PLD2: variants seen among roughly 807,000 people sequenced by gnomAD.
PLD2 encodes choline phosphatase 2.
PLD2 carries 101 observed loss-of-function variants against 119.8 expected under a neutral mutation model. That is an observed-to-expected ratio of 0.84 (90% CI 0.72 to 0.99). The LOEUF is 0.99. Ranked by LOEUF, PLD2 falls within the 50% of genes least tolerant of loss-of-function variation. The pLI, the probability that PLD2 is intolerant of heterozygous loss-of-function variation, is 0.00. For missense variants in PLD2, 1,164 were observed against 1,226.8 expected (o/e 0.95, Z 0.76); for synonymous variants, 494 against 482.8 (o/e 1.02, Z -0.30).
chr17:4,820,556 C>CA lies in PLD2; in HGVS notation c.2462+989dup, dbSNP rs1162927219. Reference sequence around the variant, plus strand: ...ACAGGCATGAACCACCGCCCCTGGCCAAAAAAAAAAAAAAATCTTTTTTTT... The same window carrying CA: ...ACAGGCATGAACCACCGCCCCTGGCCAAAAAAAAAAAAAAAATCTTTTTTTT... On this transcript the variant is annotated intron_variant, in intron 23 of 24. Transcript: ENST00000263088. Among the ~76,000 whole-genome samples the CA allele has an allele frequency of 7.2e-3, 531 of 73,464 alleles. 1 individual carries two copies. Among genetic ancestry groups the CA allele is most frequent in the African/African-American group, 0.019 (364 of 19,458 alleles). The allele number at this position is 73,464 out of a possible 152,430, so 48.2% of individuals were successfully genotyped here. A position where few individuals can be genotyped will look rare whatever the true frequency, so the allele number is the denominator to read the frequency against.
chr17:4,807,929 GC>G lies in PLD2; in HGVS notation c.109+50del. 1 of 1,607,290 alleles carries G rather than the reference GC, an allele frequency of 6.2e-7. No homozygotes were observed. Among genetic ancestry groups the G allele is most frequent in the Non-Finnish European group, 8.5e-7 (1 of 1,174,672 alleles). On this transcript the variant is annotated intron_variant, in intron 2 of 24. Transcript: ENST00000263088. The surrounding 1 kb of genome is among the most constrained non-coding windows in gnomAD (Gnocchi z 5.4). Reference sequence around the variant, plus strand: ...CCTCAGGGAGGAGAGGCGTTCGGGAGCCAGGGGGCTGGGGCCTGTTGTGGTC... The same window carrying G: ...CCTCAGGGAGGAGAGGCGTTCGGGAGCAGGGGGCTGGGGCCTGTTGTGGTC...
intron 18 of PLD2, 60 bp downstream of exon 18, chr17:4,818,166 G>A (rs1234277412): frequency 7.0e-7 from 1 of 1,425,242 alleles, no homozygotes; most frequent in Non-Finnish European, 9.9e-7. Flanking sequence ...AGAGACCTGG[G>A]GAATGAGTGG....
At chr17:4,817,380 C>T (rs565482688) in intron 17 of PLD2, 121 bp downstream of exon 17, 13 of 749,216 alleles carry the variant, frequency 1.7e-5, no homozygotes, top group South Asian at 1.5e-4. Context: ...AAGCACATCA[C>T]GGCCAGGCAC....
In PLD2 at chr17:4,823,023, G is replaced by C; in HGVS notation, c.*159G>C. ...GGTGTTACAGAGGACCCTTACGTGAGAAATAGCTGAAAAGGGCACTCCCAA... is the reference window on the plus strand; with the variant it reads ...GGTGTTACAGAGGACCCTTACGTGACAAATAGCTGAAAAGGGCACTCCCAA... On this transcript the variant is annotated 3_prime_UTR_variant, in exon 25 of 25. Transcript: ENST00000263088. The C allele has an allele frequency of 1.7e-6, 1 of 586,540 alleles. No individual in the cohort carries two copies. The highest frequency in any genetic ancestry group is 3.0e-6 in the Non-Finnish European group (1 of 329,504). 36.3% of individuals were successfully genotyped at this position (586,540 alleles called of 1,614,324 possible).
At position 4,807,943 on chromosome 17, in the gene PLD2, G is replaced by T. The variant is rs565954046; in HGVS notation, c.110-41G>T. ...GGCGTTCGGGAGCCAGGGGGCTGGGGCCTGTTGTGGTCTACACTCCTCGAC... is the reference window on the plus strand; with the variant it reads ...GGCGTTCGGGAGCCAGGGGGCTGGGTCCTGTTGTGGTCTACACTCCTCGAC... On this transcript the variant is annotated intron_variant, in intron 2 of 24. Coordinates refer to ENST00000263088, the MANE Select transcript of PLD2 (RefSeq NM_002663.5). The surrounding 1 kb of genome is among the most constrained non-coding windows in gnomAD (Gnocchi z 5.4). 1.7e-5 allele frequency: 27 copies of T among 1,607,062 alleles called. No homozygotes were observed. The highest frequency in any genetic ancestry group is 1.5e-4 in the South Asian group (14 of 90,792).
In PLD2 at chr17:4,819,674, C is replaced by T. The variant is rs568360441; in HGVS notation, c.2462+92C>T. On this transcript the variant is annotated intron_variant, in intron 23 of 24. Coordinates refer to ENST00000263088, the MANE Select transcript of PLD2 (RefSeq NM_002663.5). This position sits in a 1 kb window ranked among gnomAD's most constrained non-coding sequence, Gnocchi z 4.2. Reference sequence around the variant, plus strand: ...AGAGGTAGCACCGCATAGGTACTCCCGGAGCCAGAGGTAGAGGCAGTACTA... The same window carrying T: ...AGAGGTAGCACCGCATAGGTACTCCTGGAGCCAGAGGTAGAGGCAGTACTA... 48 of 1,254,714 alleles carry T rather than the reference C, an allele frequency of 3.8e-5. No homozygotes were observed. Among genetic ancestry groups the T allele is most frequent in the Non-Finnish European group, 4.0e-5 (36 of 907,852 alleles). 77.7% of individuals were successfully genotyped at this position (1,254,714 alleles called of 1,614,324 possible). A position where few individuals can be genotyped will look rare whatever the true frequency, so the allele number is the denominator to read the frequency against.
In PLD2 at chr17:4,810,101, A is replaced by T; in HGVS notation, c.860+72A>T. The T allele has an allele frequency of 6.1e-6, 9 of 1,484,586 alleles. No individual in the cohort carries two copies. In the South Asian group the frequency reaches 1.1e-4, roughly 17 times the overall value. 92.0% of individuals were successfully genotyped at this position (1,484,586 alleles called of 1,614,324 possible). ...CCCACGGCCTTGCTGGGAGTTGAGAAAGAGAGACCACAGGAGAGAGGAAGG... is the reference window on the plus strand; with the variant it reads ...CCCACGGCCTTGCTGGGAGTTGAGATAGAGAGACCACAGGAGAGAGGAAGG... On this transcript the variant is annotated intron_variant, in intron 9 of 24. Coordinates refer to ENST00000263088, the MANE Select transcript of PLD2 (RefSeq NM_002663.5).
Position 4,807,772 on chromosome 17 carries a change from G to A in PLD2, c.-1G>A, listed in dbSNP as rs939646344. On this transcript the variant is annotated splice_region_variant and 5_prime_UTR_variant, in exon 2 of 25. Coordinates refer to ENST00000263088, the MANE Select transcript of PLD2 (RefSeq NM_002663.5). The surrounding 1 kb of genome is among the most constrained non-coding windows in gnomAD (Gnocchi z 5.4). ...CCCTGAGGCTTCCCAATGTTCCTAGGATGACGGCGACCCCTGAGAGCCTCT... is the reference window on the plus strand; with the variant it reads ...CCCTGAGGCTTCCCAATGTTCCTAGAATGACGGCGACCCCTGAGAGCCTCT... 47 of 1,568,670 alleles carry A rather than the reference G, an allele frequency of 3.0e-5. No homozygotes were observed. Among genetic ancestry groups the A allele is most frequent in the Non-Finnish European group, 4.1e-5 (47 of 1,153,256 alleles).
Position 4,808,359 on chromosome 17 carries a change from A to G in PLD2, c.326A>G (p.Glu109Gly), listed in dbSNP as rs1477051053. 1.9e-6 allele frequency: 3 copies of G among 1,613,970 alleles called. No homozygotes were observed. The highest frequency in any genetic ancestry group is 1.7e-5 in the Admixed American group (1 of 59,990). The change falls in exon 4 of 25, where the codon GAG (glutamate) becomes GGG (glycine). Residue 109 changes from glutamate (E) to glycine (G), a missense_variant. Transcript: ENST00000263088. This position sits in a 1 kb window ranked among gnomAD's most constrained non-coding sequence, Gnocchi z 4.1. Reference sequence around the variant, plus strand: ...AAGAAGAAATACCGTCATTTTCAGGAGCTGCATCGGGACCTCCTGAGACAC... The same window carrying G: ...AAGAAGAAATACCGTCATTTTCAGGGGCTGCATCGGGACCTCCTGAGACAC... ...TTKKKYRHFQ[E>G]LHRDLLRHKV...
In PLD2 at chr17:4,819,241, TGGCAGGGAGA is replaced by T; in HGVS notation, c.2308+26_2308+35del. On this transcript the variant is annotated intron_variant, in intron 22 of 24. Coordinates refer to ENST00000263088, the MANE Select transcript of PLD2 (RefSeq NM_002663.5). The surrounding 1 kb of genome is among the most constrained non-coding windows in gnomAD (Gnocchi z 4.2). ...TTGGTCAGTGCCGGATCTAGTCCTC[TGGCAGGGAGA>T]GGGTGTGGGGACAGGCGAAGAGATG... is the stretch of plus-strand genomic sequence containing the variant. 1 of 1,612,964 alleles carries T rather than the reference TGGCAGGGAGA, an allele frequency of 6.2e-7. No homozygotes were observed. Among genetic ancestry groups the T allele is most frequent in the Non-Finnish European group, 8.5e-7 (1 of 1,179,594 alleles).
Position 4,809,204 on chromosome 17 carries a change from A to T in PLD2, c.488A>T (p.Gln163Leu). The T allele has an allele frequency of 6.2e-7, 1 of 1,614,014 alleles. No individual in the cohort carries two copies. The highest frequency in any genetic ancestry group is 8.5e-7 in the Non-Finnish European group (1 of 1,179,862). ...TCCACCAGACATGCAGCCAGCAAAC[A>T]GGTGGGACCAGATGCCAGGTCCTCC... ...EGSTRHAASK[Q>L]KYLENYLNRL... Residue 163 changes from glutamine to leucine, a missense_variant and splice_region_variant, in exon 5 of 25, where the codon CAG (glutamine) becomes CTG (leucine). Gln to Leu is a moderately radical substitution (Grantham distance 113, BLOSUM62 -2). Transcript: ENST00000263088.
At chr17:4,818,986 G>C in intron 21 of PLD2, 98 bp from the exon 22 acceptor site, 1 of 1,550,658 alleles carries the variant, frequency 6.4e-7, no homozygotes, top group Non-Finnish European at 8.8e-7. Context: ...AGAGAGACCA[G>C]ACTCTATGTA....
chr17:4,817,871 T>C (rs1907186576), intron 17 of PLD2, 131 bp from the exon 18 acceptor site: 1 of 599,816 alleles, frequency 1.7e-6, no homozygotes, highest in East Asian at 3.0e-5. Flanking sequence ...GGCAGGAGAA[T>C]GGCGTGAACC....
At chr17:4,818,924 G>A in intron 21 of PLD2, 101 bp downstream of exon 21, 2 of 1,480,786 alleles carry the variant, frequency 1.4e-6, no homozygotes, top group Non-Finnish European at 1.9e-6. Flanking sequence ...TCACTCCTGT[G>A]AGCCTCTGAC....
chr17:4,818,545 C>T lies in PLD2; in HGVS notation c.2061C>T (p.Phe687=), dbSNP rs200046034. 58 of 1,613,998 alleles carry T rather than the reference C, an allele frequency of 3.6e-5. No homozygotes were observed. The East Asian group carries it at 4.7e-4, about 13-fold the overall frequency. The part of the protein sequence containing the change: ...VYVLLPLLPG[F]EGDISTGGGN... The stretch of plus-strand genomic sequence containing the variant: ...TGCTTTTGCCCTTACTCCCTGGCTT[C>T]GAGGGTGACATCTCCACGGGCGGTG... Residue 687 remains phenylalanine, a synonymous_variant, in exon 20 of 25, where the codon TTC becomes TTT. Transcript: ENST00000263088.
rs1206788823 is a variant in PLD2, at chr17:4,816,699, G to A, written c.1535G>A (p.Ser512Asn). Residue 512 changes from serine to asparagine, a missense_variant, in exon 15 of 25, where the codon AGC becomes AAC. By Grantham distance (46) the Ser-to-Asn change is conservative. Coordinates refer to ENST00000263088, the MANE Select transcript of PLD2 (RefSeq NM_002663.5). ...TTCTTCTGGCTGGGCAAGGACTACA[G>A]CAATCTTATCACCAAGGACTGGGTG... ...NQFFWLGKDYSNLITKDWVQL... is the reference protein window; with the variant it reads ...NQFFWLGKDYNNLITKDWVQL... 3 of 1,614,144 alleles carry A rather than the reference G, an allele frequency of 1.9e-6. No homozygotes were observed. In the Admixed American group the frequency reaches 5.0e-5, roughly 27 times the overall value.
At position 4,818,368 on chromosome 17, in the gene PLD2, A is replaced by G. The variant is rs1907250843; in HGVS notation, c.1992A>G (p.Arg664=). 2 of 1,613,952 alleles carry G rather than the reference A, an allele frequency of 1.2e-6. No individual in the cohort carries two copies. The highest frequency in any genetic ancestry group is 4.5e-5 in the East Asian group (2 of 44,892). ...LNKVGDEIVD[R]ILKAHKQGWC... is the part of the protein sequence containing the mutation. ...AGGTGGGCGATGAGATTGTGGACAGAATCCTGAAGGCCCACAAGTAAGGTG... is the reference window on the plus strand; with the variant it reads ...AGGTGGGCGATGAGATTGTGGACAGGATCCTGAAGGCCCACAAGTAAGGTG... The change falls in exon 19 of 25, where the codon AGA becomes AGG. Residue 664 remains arginine, a synonymous_variant. Coordinates refer to ENST00000263088, the MANE Select transcript of PLD2 (RefSeq NM_002663.5).
chr17:4,811,941 A>G (rs1303830940), intron 10 of PLD2, among the ~76,000 whole-genome samples: 1 of 152,016 alleles, frequency 6.6e-6, no homozygotes, highest in Non-Finnish European at 1.5e-5. Flanking sequence ...CAGCCTCCCA[A>G]GTAGCTGAGA....
rs752886381 is a variant in PLD2 at position 4,821,829 on chromosome 17, T to C, written c.2499T>C (p.Asp833=). The C allele has an allele frequency of 1.2e-6, 2 of 1,613,860 alleles. No individual in the cohort carries two copies. Among genetic ancestry groups the C allele is most frequent in the East Asian group, 2.2e-5 (1 of 44,892 alleles). Residue 833 remains aspartate, a synonymous_variant, in exon 24 of 25, where the codon GAT becomes GAC. Transcript: ENST00000263088. ...GAGCAAATACCCGGCCAGACTTGGA[T>C]CTCCGAGACCCCATCTGTGATGACT... ...ILGANTRPDL[D]LRDPICDDFF...
Sources: gnomAD v4.1 joint callset for allele counts (sites outside exome capture counted in the v4.1 genomes callset) on GRCh38, gnomAD v4.1.1 for gene constraint, Gnocchi (gnomAD v3.1) non-coding constraint, MANE v1.5 for transcripts, NCBI Gene and HGNC (gene_info 2026-07-23, HGNC 2026-07-21) for gene names.